ADD3: variants seen among roughly 807,000 people sequenced by gnomAD.
The protein encoded by ADD3 is adducin 3.
A neutral mutation model predicts 80.2 loss-of-function variants in ADD3; 25 were observed. The ratio of observed to expected loss-of-function variants is 0.31; its 90% CI spans 0.23 to 0.44. The LOEUF is 0.44. Among genes scored for constraint, ADD3 ranks in the 20% least tolerant of loss-of-function variants. The pLI is 1.00. For synonymous variants in ADD3, 284 were observed against 289.6 expected (o/e 0.98, Z 0.20); for missense variants, 829 against 847.5 (o/e 0.98, Z 0.27).
In ADD3 at chr10:110,130,348, T is replaced by C; in HGVS notation, c.1609-15T>C. 6.2e-7 allele frequency: 1 copy of C among 1,612,934 alleles called. No individual in the cohort carries two copies. Among genetic ancestry groups the C allele is most frequent in the South Asian group, 1.1e-5 (1 of 90,948 alleles). The stretch of plus-strand genomic sequence containing the variant: ...ACTCTTGGTAATGAATCGATTTTTA[T>C]TTTTTCTTTGTAAGACTATGCAATT... On this transcript the variant is annotated splice_polypyrimidine_tract_variant and intron_variant, in intron 12 of 14. Transcript: ENST00000356080.
chr10:110,077,702 T>C (rs958795236), intron 1 of ADD3, among the ~76,000 whole-genome samples: 2 of 152,206 alleles, frequency 1.3e-5, no homozygotes, highest in Non-Finnish European at 2.9e-5. Flanking sequence ...CTAGAGTTTG[T>C]GACGTGAATG....
intron 1 of ADD3, chr10:110,016,458 C>G (rs1235624407): frequency 6.6e-6 from 1 of 152,054 alleles, no homozygotes; most frequent in African/African-American, 2.4e-5. Flanking sequence ...TAAAAACAGC[C>G]GAGTAGTGGT....
intron 1 of ADD3, among the ~76,000 whole-genome samples, chr10:110,063,737 T>C (rs566379459): frequency 1.5e-5 from 1 of 64,658 alleles, no homozygotes; most frequent in Admixed American, 1.2e-4. Context: ...TATATATTCA[T>C]TATATATATA....
upstream of ADD3, among the ~76,000 whole-genome samples, chr10:110,006,748 GGA>G (rs1481532281): frequency 8.6e-4 from 6 of 6,994 alleles, no homozygotes; most frequent in Non-Finnish European, 8.5e-3. Flanking sequence ...TTTTTAGGGA[GGA>G]GGGGGGGGAT....
chr10:110,130,290 AT>A, intron 12 of ADD3, 72 bp from the exon 13 acceptor site: 9 of 1,467,362 alleles, frequency 6.1e-6, no homozygotes, highest in Non-Finnish European at 8.5e-6. Flanking sequence ...TTATGTGTAT[AT>A]AGATGGATGG....
chr10:110,072,448 G>A (rs559975205), intron 1 of ADD3, among the ~76,000 whole-genome samples: 13 of 152,200 alleles, frequency 8.5e-5, no homozygotes, highest in Admixed American at 2.0e-4. Flanking sequence ...CACACTGTAC[G>A]TGTGAGAGGT....
intron 12 of ADD3, among the ~76,000 whole-genome samples, chr10:110,128,036 A>G (rs528506822): frequency 6.7e-6 from 1 of 148,386 alleles, no homozygotes; most frequent in Non-Finnish European, 1.5e-5. Flanking sequence ...GAATTCCTGA[A>G]CCTTTGTTTA....
intron 2 of ADD3, among the ~76,000 whole-genome samples, chr10:110,103,675 A>G (rs916387537): frequency 5.9e-5 from 9 of 152,150 alleles, no homozygotes; most frequent in African/African-American, 2.2e-4. Flanking sequence ...CCATCTTTTG[A>G]GGAGAGAATT....
Position 110,116,307 on chromosome 10 carries a change from C to G in ADD3, c.383C>G (p.Ser128Cys). The G allele has an allele frequency of 1.2e-6, 2 of 1,614,116 alleles. No individual in the cohort carries two copies. Among genetic ancestry groups the G allele is most frequent in the Non-Finnish European group, 1.7e-6 (2 of 1,180,010 alleles). The change falls in exon 4 of 15, where the codon TCC (serine) becomes TGC (cysteine). Residue 128 changes from serine to cysteine, a missense_variant. Ser to Cys is a moderately radical substitution (Grantham distance 112, BLOSUM62 -1). Transcript: ENST00000356080. ...PINDLPGADT[S>C]SYVKGEKLTR... ...AATGACCTTCCTGGTGCAGATACAT[C>G]CTCATATGTGAAGGGAGAAAAACTT...
chr10:110,088,967 G>C (rs751362647), intron 1 of ADD3, among the ~76,000 whole-genome samples: 72 of 152,134 alleles, frequency 4.7e-4, no homozygotes, highest in Non-Finnish European at 6.8e-4. Context: ...TTAATAATAA[G>C]CTTTGTTGGA....
chr10:110,069,038 G>A (rs556446344), intron 1 of ADD3, among the ~76,000 whole-genome samples: 6 of 151,876 alleles, frequency 4.0e-5, no homozygotes, highest in Admixed American at 3.3e-4. Flanking sequence ...TGATCATGCC[G>A]CTGCACCCAG....
intron 3 of ADD3, among the ~76,000 whole-genome samples, chr10:110,114,997 T>C (rs904107536): frequency 1.3e-5 from 2 of 150,596 alleles, no homozygotes; most frequent in Admixed American, 1.3e-4. Context: ...AAGGATTGCC[T>C]GAGCCTAGGA....
chr10:110,128,719 CTTTT>C (rs1243356883), intron 12 of ADD3, among the ~76,000 whole-genome samples: 1 of 152,066 alleles, frequency 6.6e-6, no homozygotes. Context: ...GCCCAGCCAA[CTTTT>C]TTATTTTTAA....
chr10:110,012,747 G>A (rs1158742666), intron 1 of ADD3, among the ~76,000 whole-genome samples: 1 of 144,934 alleles, frequency 6.9e-6, no homozygotes, highest in Non-Finnish European at 1.5e-5. Context: ...CTTGGCATAT[G>A]TTTATATCTT....
At chr10:110,006,424 C>T (rs1194427640), upstream of ADD3, among the ~76,000 whole-genome samples, 1 of 152,092 alleles carries the variant, frequency 6.6e-6, no homozygotes, top group Non-Finnish European at 1.5e-5. Context: ...AAGAAAATAT[C>T]CAGCCACTCC....
Position 110,118,707 on chromosome 10 carries a change from A to G in ADD3, c.688A>G (p.Ile230Val). ...AACACGTCCTGATGTTAAGTGTGTGATACACATCCATACCCTTGCAACAGC... is the reference window on the plus strand; with the variant it reads ...AACACGTCCTGATGTTAAGTGTGTGGTACACATCCATACCCTTGCAACAGC... The part of the protein sequence containing the change: ...YSTRPDVKCV[I>V]HIHTLATAAV... Residue 230 changes from isoleucine (I) to valine (V), a missense_variant, in exon 6 of 15, where the codon ATA becomes GTA. Physicochemically the swap from Ile to Val is conservative, Grantham distance 29. Coordinates refer to ENST00000356080, the MANE Select transcript of ADD3 (RefSeq NM_016824.5). 2 of 1,614,148 alleles carry G rather than the reference A, an allele frequency of 1.2e-6. No homozygotes were observed. Among genetic ancestry groups the G allele is most frequent in the Non-Finnish European group, 1.7e-6 (2 of 1,179,998 alleles).
At chr10:110,123,948 G>A (rs1851826650) in intron 9 of ADD3, 69 bp from the exon 10 acceptor site, 1 of 1,461,456 alleles carries the variant, frequency 6.8e-7, no homozygotes, top group African/African-American at 1.4e-5. Context: ...GTATACAAAA[G>A]GAATTAGGAT....
chr10:110,116,917 T>A (rs1850809980), intron 4 of ADD3, among the ~76,000 whole-genome samples: 1 of 152,258 alleles, frequency 6.6e-6, no homozygotes, highest in Admixed American at 6.5e-5. Context: ...CCATCAAGAA[T>A]CTTTCTTCCT....
intron 1 of ADD3, among the ~76,000 whole-genome samples, chr10:110,018,103 C>G (rs1404525689): frequency 6.6e-6 from 1 of 152,172 alleles, no homozygotes; most frequent in East Asian, 1.9e-4. Context: ...CTCAGACTTT[C>G]CCAGTCAAAC....
Sources: gnomAD v4.1 joint callset for allele counts (sites outside exome capture counted in the v4.1 genomes callset) on GRCh38, gnomAD v4.1.1 for gene constraint, MANE v1.5 for transcripts, NCBI Gene and HGNC (gene_info 2026-07-23, HGNC 2026-07-21) for gene names.